The following CWC22 variants were observed in gnomAD, a reference collection of about 807,000 sequenced individuals.
The protein encoded by CWC22 is pre-mRNA-splicing factor CWC22 homolog.
Under a neutral mutation model 117.2 loss-of-function variants are expected in CWC22, and 53 were observed. That is an observed-to-expected ratio of 0.45 (90% CI 0.36 to 0.57). The LOEUF (loss-of-function observed/expected upper bound fraction) is 0.57, where lower values mean the gene tolerates loss of function less well. CWC22 is among the 20% of genes least tolerant of loss of function. The pLI, the probability that CWC22 is intolerant of heterozygous loss-of-function variation, is 0.00. For synonymous variants in CWC22, 360 were observed against 355.6 expected, an observed-to-expected ratio of 1.01 and a Z score of -0.14; for missense variants, 980 against 1,068.8, an observed-to-expected ratio of 0.92 and a Z score of 1.16.
At chr2:180,006,683 C>A (rs1013439757) in intron 1 of CWC22, among the ~76,000 whole-genome samples, 184 bp downstream of exon 1, 1 of 152,204 alleles carries the variant, frequency 6.6e-6, no homozygotes, top group Admixed American at 6.5e-5. Flanking sequence ...GGGACCCGGG[C>A]ACTAGGAAAG....
chr2:180,006,117 G>A (rs527495797), intron 1 of CWC22, among the ~76,000 whole-genome samples: 12 of 152,310 alleles, frequency 7.9e-5, no homozygotes, highest in Admixed American at 3.3e-4. Flanking sequence ...ATAAGAGGTA[G>A]GTTAACTGAT....
chr2:180,002,967 T>C (rs1687880750), intron 1 of CWC22, among the ~76,000 whole-genome samples: 1 of 152,204 alleles, frequency 6.6e-6, no homozygotes, highest in Non-Finnish European at 1.5e-5. Flanking sequence ...ATCCAGAACC[T>C]AGGACAGTGT....
Position 179,973,221 on chromosome 2 carries a change from A to G in CWC22, c.776T>C (p.Phe259Ser). ...ATTTTGGTTAATAAGATGCGCCACA[A>G]ATTTTGAAGCAGTCAGGCAAAGTTG... is the stretch of plus-strand genomic sequence containing the variant. ...DKQLCLTASK[F>S]VAHLINQNVA... is the part of the protein sequence containing the mutation. Residue 259 changes from phenylalanine (F) to serine (S), a missense_variant, in exon 8 of 20, where the codon TTT (phenylalanine) becomes TCT (serine). Phe to Ser is a radical substitution (Grantham distance 155). This residue lies in a region of CWC22 where 559 missense variants were observed against 602.3 expected (regional missense o/e 0.93). Transcript: ENST00000410053. The G allele has an allele frequency of 1.9e-6, 3 of 1,602,326 alleles. No individual in the cohort carries two copies. Among genetic ancestry groups the G allele is most frequent in the Non-Finnish European group, 2.6e-6 (3 of 1,173,762 alleles).
chr2:179,987,750 C>A (rs886311738), intron 3 of CWC22, among the ~76,000 whole-genome samples: 1 of 152,026 alleles, frequency 6.6e-6, no homozygotes, highest in African/African-American at 2.4e-5. Flanking sequence ...TTTTAATAGA[C>A]CATATGCTTA....
chr2:179,970,989 T>C lies in CWC22; in HGVS notation c.892A>G (p.Lys298Glu), dbSNP rs1204899494. The C allele has an allele frequency of 6.2e-7, 1 of 1,612,710 alleles. No homozygotes were observed. The highest frequency in any genetic ancestry group is 1.1e-5 in the South Asian group (1 of 90,952). The change falls in exon 9 of 20, where the codon AAG becomes GAG. Residue 298 changes from lysine (K) to glutamate (E), a missense_variant. Physicochemically the swap from Lys to Glu is moderately conservative, Grantham distance 56. Around this residue, in one of 3 missense-constraint regions of CWC22, gnomAD observed 559 missense variants for 602.3 expected, o/e 0.93. Coordinates refer to ENST00000410053, the MANE Select transcript of CWC22 (RefSeq NM_020943.3). ...DSVEVAIGFL[K>E]ECGLKLTQVS... ...TGTGTTAATTTGAGGCCACATTCCT[T>C]AAGAAAACCAATAGCTACTTCAACG...
intron 1 of CWC22, among the ~76,000 whole-genome samples, chr2:180,001,195 T>C (rs1459420784): frequency 1.3e-5 from 2 of 152,188 alleles, no homozygotes; most frequent in African/African-American, 4.8e-5. Context: ...TTTTTAATGA[T>C]TCATTTAAAA....
intron 4 of CWC22, among the ~76,000 whole-genome samples, chr2:179,982,678 T>C (rs1687314887): frequency 6.6e-6 from 1 of 152,204 alleles, no homozygotes; most frequent in African/African-American, 2.4e-5. Flanking sequence ...GAAAAACTTT[T>C]CTAGCCACAA....
At chr2:179,965,784 C>G (rs1381211184) in intron 12 of CWC22, 94 bp downstream of exon 12, 1 of 1,096,496 alleles carries the variant, frequency 9.1e-7, no homozygotes, top group Admixed American at 2.5e-5. Flanking sequence ...TGTCCTTGCT[C>G]TCCCCAAAGA....
chr2:179,993,583 T>C (rs1417789150), intron 1 of CWC22, 129 bp from the exon 2 acceptor site: 5 of 476,880 alleles, frequency 1.0e-5, no homozygotes, highest in Admixed American at 3.8e-5. Context: ...TAATAAAAAT[T>C]GTAAAAATCC....
At chr2:179,969,152 G>A (rs1686968803) in intron 11 of CWC22, among the ~76,000 whole-genome samples, 1 of 152,084 alleles carries the variant, frequency 6.6e-6, no homozygotes, top group Non-Finnish European at 1.5e-5. Flanking sequence ...AATGGATAGA[G>A]AATTCTCAAG....
chr2:179,969,173 A>T (rs1451837769), intron 11 of CWC22, among the ~76,000 whole-genome samples: 2 of 152,206 alleles, frequency 1.3e-5, no homozygotes, highest in African/African-American at 4.8e-5. Flanking sequence ...TTTAAAAAAG[A>T]AAGAAATCAA....
chr2:179,986,942 T>C, intron 3 of CWC22, 137 bp from the exon 4 acceptor site: 1 of 476,092 alleles, frequency 2.1e-6, no homozygotes, highest in Non-Finnish European at 3.7e-6. Flanking sequence ...AACAGCTCAT[T>C]TTGCTAACAC....
chr2:179,964,641 T>C lies in CWC22; in HGVS notation c.1316-13A>G. 1 of 1,395,814 alleles carries C rather than the reference T, an allele frequency of 7.2e-7. No individual in the cohort carries two copies. The highest frequency in any genetic ancestry group is 9.9e-7 in the Non-Finnish European group (1 of 1,011,036). The allele number at this position is 1,395,814 out of a possible 1,614,324, so 86.5% of individuals were successfully genotyped here. ...GTTACTTTTTGTCCTGAAAGAAACA[T>C]AACAAAATTACACAACTGCAAAAAT... On this transcript the variant is annotated splice_polypyrimidine_tract_variant and intron_variant, in intron 12 of 19. Coordinates refer to ENST00000410053, the MANE Select transcript of CWC22 (RefSeq NM_020943.3).
intron 2 of CWC22, among the ~76,000 whole-genome samples, chr2:179,992,572 T>C (rs553681356): frequency 6.6e-6 from 1 of 152,308 alleles, no homozygotes; most frequent in African/African-American, 2.4e-5. Context: ...CATAGGACAA[T>C]TCTATTACTT....
chr2:179,970,839 G>A lies in CWC22; in HGVS notation c.958C>T (p.Arg320Ter), dbSNP rs775503494. 1.2e-6 allele frequency: 2 copies of A among 1,613,398 alleles called. No homozygotes were observed. Among genetic ancestry groups the A allele is most frequent in the Non-Finnish European group, 1.7e-6 (2 of 1,179,542 alleles). Residue 320 changes from arginine to a stop codon, truncating the protein, a stop_gained, in exon 10 of 20, where the codon CGA becomes TGA. Coordinates refer to ENST00000410053, the MANE Select transcript of CWC22 (RefSeq NM_020943.3). LOFTEE classifies it high-confidence loss of function. Reference sequence around the variant, plus strand: ...ATTTCAGACTCATGCAGAATGTTTCGAAGGCGTTCAAATATAGCTAAAAGT... The same window carrying A: ...ATTTCAGACTCATGCAGAATGTTTCAAAGGCGTTCAAATATAGCTAAAAGT... The part of the protein sequence containing the change: ...RGINAIFERL[R>*]NILHESEIDK...
At chr2:179,981,609 A>G in intron 5 of CWC22, 143 bp downstream of exon 5, 1 of 637,620 alleles carries the variant, frequency 1.6e-6, no homozygotes, top group Non-Finnish European at 2.7e-6. Flanking sequence ...CAATGGAGCT[A>G]TAAAGTAAAG....
At chr2:179,963,121 A>G (rs928242758) in intron 13 of CWC22, among the ~76,000 whole-genome samples, 5 of 151,984 alleles carry the variant, frequency 3.3e-5, no homozygotes, top group Admixed American at 2.6e-4. Flanking sequence ...TATCAAGGTT[A>G]CGTTTCTTTT....
intron 3 of CWC22, among the ~76,000 whole-genome samples, chr2:179,988,200 C>T (rs1373786705): frequency 6.6e-6 from 1 of 152,046 alleles, no homozygotes; most frequent in Non-Finnish European, 1.5e-5. Context: ...CTGTTATAAT[C>T]TATATAAAAA....
intron 3 of CWC22, among the ~76,000 whole-genome samples, chr2:179,988,232 C>A (rs529208410): frequency 2.8e-3 from 421 of 152,278 alleles, no homozygotes; most frequent in African/African-American, 8.6e-3. Context: ...CAATACAGAG[C>A]TATGTACATG....
Sources: allele counts gnomAD v4.1 joint callset (sites outside exome capture counted in the v4.1 genomes callset), GRCh38; gene constraint gnomAD v4.1.1; regional missense constraint gnomAD v4.1.1; transcripts MANE v1.5; gene names NCBI Gene and HGNC (gene_info 2026-07-23, HGNC 2026-07-21).